Variants in LSAMP observed in about 807,000 individuals in gnomAD.
The protein encoded by LSAMP is limbic system associated membrane protein.
In LSAMP, 7 loss-of-function variants were observed where a neutral mutation model predicts 38.6. The ratio of observed to expected loss-of-function variants is 0.18; its 90% CI spans 0.10 to 0.34. LSAMP has a LOEUF of 0.34. Among genes scored for constraint, LSAMP ranks in the 10% least tolerant of loss-of-function variants. The pLI is 1.00. For missense variants in LSAMP, 313 were observed against 420.0 expected, an observed-to-expected ratio of 0.75 and a Z score of 2.23; for synonymous variants, 154 against 166.8, an observed-to-expected ratio of 0.92 and a Z score of 0.59.
chr3:116,024,406 T>G (rs1413687092), intron 2 of LSAMP, among the ~76,000 whole-genome samples: 1 of 152,198 alleles, frequency 6.6e-6, no homozygotes, highest in African/African-American at 2.4e-5. Context: ...AGAGCTCTTA[T>G]CAATATTTAT....
At chr3:116,120,141 C>T (rs1179169531) in intron 1 of LSAMP, among the ~76,000 whole-genome samples, 11 of 151,976 alleles carry the variant, frequency 7.2e-5, no homozygotes, top group Non-Finnish European at 2.9e-5. Flanking sequence ...AAGGAGCTCA[C>T]GGTCATATGG....
chr3:116,162,445 C>G (rs1709910322), intron 1 of LSAMP, among the ~76,000 whole-genome samples: 1 of 152,206 alleles, frequency 6.6e-6, no homozygotes, highest in East Asian at 1.9e-4. Context: ...AGTGAGGACT[C>G]AGCACATACA....
intron 3 of LSAMP, among the ~76,000 whole-genome samples, chr3:115,869,704 A>T (rs927981096): frequency 1.3e-5 from 2 of 152,094 alleles, no homozygotes; most frequent in Non-Finnish European, 2.9e-5. Context: ...CATTTTCAAG[A>T]GTCTTTACCT....
chr3:116,321,670 A>G (rs986769618), intron 1 of LSAMP, among the ~76,000 whole-genome samples: 1 of 152,184 alleles, frequency 6.6e-6, no homozygotes, highest in African/African-American at 2.4e-5. Flanking sequence ...TCTTTCTATC[A>G]GTGCTAATGT....
intron 1 of LSAMP, among the ~76,000 whole-genome samples, chr3:116,410,261 T>A (rs972628723): frequency 1.3e-5 from 2 of 152,012 alleles, no homozygotes; most frequent in African/African-American, 4.8e-5. Flanking sequence ...GACTCCTGAT[T>A]CTTGACCTCA....
intron 1 of LSAMP, among the ~76,000 whole-genome samples, chr3:116,228,487 A>G (rs957587533): frequency 3.9e-5 from 6 of 152,082 alleles, no homozygotes; most frequent in African/African-American, 1.4e-4. Context: ...CATATGTAAA[A>G]TGAGGGTATA....
chr3:115,962,828 T>C (rs1279154189), intron 3 of LSAMP, among the ~76,000 whole-genome samples: 2 of 152,172 alleles, frequency 1.3e-5, no homozygotes, highest in South Asian at 2.1e-4. Flanking sequence ...GGTAACTTAA[T>C]ATGCAAATGA....
At chr3:115,933,239 A>G (rs1419198083) in intron 3 of LSAMP, among the ~76,000 whole-genome samples, 1 of 152,196 alleles carries the variant, frequency 6.6e-6, no homozygotes, top group Non-Finnish European at 1.5e-5. Flanking sequence ...AGCATTAGAA[A>G]AACGTTACTC....
chr3:116,100,786 C>T (rs982057762), intron 1 of LSAMP, among the ~76,000 whole-genome samples: 5 of 152,154 alleles, frequency 3.3e-5, no homozygotes, highest in Non-Finnish European at 7.3e-5. Context: ...TTTCCAACCC[C>T]GATCTCTTGA....
intron 6 of LSAMP, among the ~76,000 whole-genome samples, chr3:115,828,255 A>C (rs1934490112): frequency 6.6e-6 from 1 of 152,190 alleles, no homozygotes; most frequent in Non-Finnish European, 1.5e-5. Flanking sequence ...TAAGGTTCAT[A>C]CTTTTTGGGT....
chr3:116,426,807 G>A (rs1272214494), intron 1 of LSAMP, among the ~76,000 whole-genome samples: 1 of 151,862 alleles, frequency 6.6e-6, no homozygotes, highest in Non-Finnish European at 1.5e-5. Context: ...AGCATAGTGA[G>A]GTTATACGTA....
intron 1 of LSAMP, among the ~76,000 whole-genome samples, chr3:116,143,444 C>A (rs529523382): frequency 1.3e-5 from 2 of 151,880 alleles, no homozygotes. Flanking sequence ...AATTGTACAT[C>A]TTAAAATAAC....
chr3:116,437,308 T>G (rs774908488), intron 1 of LSAMP, among the ~76,000 whole-genome samples: 5 of 152,016 alleles, frequency 3.3e-5, no homozygotes, highest in Non-Finnish European at 7.4e-5. Context: ...CAGTGTATAC[T>G]GCTCGGGTGA....
chr3:115,985,005 T>C (rs555722564), intron 3 of LSAMP, among the ~76,000 whole-genome samples: 1 of 152,164 alleles, frequency 6.6e-6, no homozygotes, highest in African/African-American at 2.4e-5. Context: ...TAGGGTCAGA[T>C]TGTAAAGGGC....
chr3:116,100,007 A>T (rs1179281425), intron 1 of LSAMP, among the ~76,000 whole-genome samples: 1 of 147,980 alleles, frequency 6.8e-6, no homozygotes. Context: ...TTCTTCTTCT[A>T]AATTCCCTGT....
intron 2 of LSAMP, among the ~76,000 whole-genome samples, chr3:116,052,523 C>T (rs1343227926): frequency 6.6e-6 from 1 of 152,162 alleles, no homozygotes; most frequent in Non-Finnish European, 1.5e-5. Context: ...TTCCTGGAAA[C>T]TCCGGACTGG....
At chr3:116,229,347 T>A (rs1234058048) in intron 1 of LSAMP, among the ~76,000 whole-genome samples, 1 of 152,168 alleles carries the variant, frequency 6.6e-6, no homozygotes. Flanking sequence ...TGGAAATCCC[T>A]GCTTTTTAAA....
intron 1 of LSAMP, among the ~76,000 whole-genome samples, chr3:116,094,222 AG>A (rs1708178512): frequency 6.6e-6 from 1 of 152,248 alleles, no homozygotes; most frequent in Admixed American, 6.5e-5. Flanking sequence ...AAATAAAAAA[AG>A]AACTGTGGGA....
chr3:116,153,727 C>T (rs971380494), intron 1 of LSAMP, among the ~76,000 whole-genome samples: 1 of 152,010 alleles, frequency 6.6e-6, no homozygotes, highest in Admixed American at 6.6e-5. Flanking sequence ...AGTTTTAACT[C>T]TTTGGCTTTC....
Sources: allele counts gnomAD v4.1 joint callset (sites outside exome capture counted in the v4.1 genomes callset), GRCh38; gene constraint gnomAD v4.1.1; transcripts MANE v1.5; gene names NCBI Gene and HGNC (gene_info 2026-07-23, HGNC 2026-07-21).